The following EXOC6 variants were observed in gnomAD, a reference collection of about 807,000 sequenced individuals.
The protein encoded by EXOC6 is exocyst complex component 6.
A neutral mutation model predicts 112.5 loss-of-function variants in EXOC6; 60 were observed. The ratio of observed to expected loss-of-function variants is 0.53; its 90% CI spans 0.43 to 0.66. EXOC6 has a LOEUF of 0.66. Ranked by LOEUF, EXOC6 falls within the 30% of genes least tolerant of loss-of-function variation. EXOC6 has a pLI of 0.00. For missense variants in EXOC6, 855 were observed against 957.1 expected, an observed-to-expected ratio of 0.89 and a Z score of 1.41; for synonymous variants, 295 against 308.0, an observed-to-expected ratio of 0.96 and a Z score of 0.44.
intron 18 of EXOC6, among the ~76,000 whole-genome samples, 170 bp from the exon 19 acceptor site, chr10:92,997,304 T>C (rs1024861390): frequency 2.6e-5 from 4 of 152,178 alleles, no homozygotes; most frequent in African/African-American, 9.7e-5. Context: ...TTAATTTCTA[T>C]GATATAAAGG....
At chr10:92,956,190 A>C (rs1417904091) in intron 17 of EXOC6, among the ~76,000 whole-genome samples, 2 of 152,128 alleles carry the variant, frequency 1.3e-5, no homozygotes, top group Non-Finnish European at 2.9e-5. Context: ...TATACAGAAT[A>C]TACTGAGGAT....
chr10:92,834,059 A>G (rs1846582050), upstream of EXOC6, among the ~76,000 whole-genome samples: 1 of 152,110 alleles, frequency 6.6e-6, no homozygotes, highest in African/African-American at 2.4e-5. Flanking sequence ...TAAGATCTAA[A>G]TGCCTCCAGA....
chr10:92,860,417 C>T (rs1367062264), intron 1 of EXOC6, among the ~76,000 whole-genome samples: 2 of 152,144 alleles, frequency 1.3e-5, no homozygotes, highest in East Asian at 3.9e-4. Context: ...GCATGCACCA[C>T]CATGCCCACC....
intron 4 of EXOC6, among the ~76,000 whole-genome samples, chr10:92,896,560 G>C (rs982258179): frequency 4.0e-5 from 6 of 148,460 alleles, no homozygotes; most frequent in African/African-American, 1.5e-4. Context: ...ACTGTTAGCA[G>C]ATTTTATTGG....
At chr10:92,984,038 C>A (rs942817328) in intron 18 of EXOC6, among the ~76,000 whole-genome samples, 2 of 152,120 alleles carry the variant, frequency 1.3e-5, no homozygotes, top group Non-Finnish European at 1.5e-5. Context: ...TTCTCGTAGG[C>A]TGGCTTTCCA....
At chr10:92,932,682 A>G (rs1197145717) in intron 9 of EXOC6, among the ~76,000 whole-genome samples, 1 of 152,184 alleles carries the variant, frequency 6.6e-6, no homozygotes, top group East Asian at 1.9e-4. Flanking sequence ...TCCTAAGGAT[A>G]TGCTTCAAAC....
intron 17 of EXOC6, among the ~76,000 whole-genome samples, chr10:92,967,090 T>C (rs1842100207): frequency 6.6e-6 from 1 of 151,716 alleles, no homozygotes; most frequent in African/African-American, 2.4e-5. Flanking sequence ...ATGTCTTCTT[T>C]TGAGAAGTGT....
chr10:92,995,700 C>G (rs958432340), intron 18 of EXOC6, among the ~76,000 whole-genome samples: 6 of 152,096 alleles, frequency 3.9e-5, no homozygotes, highest in Admixed American at 3.9e-4. Flanking sequence ...ACTAATTCCT[C>G]TTGAGTTTGG....
intron 1 of EXOC6, among the ~76,000 whole-genome samples, chr10:92,841,872 A>G (rs1467731476): frequency 6.6e-6 from 1 of 152,198 alleles, no homozygotes; most frequent in Non-Finnish European, 1.5e-5. Flanking sequence ...GTAATGTCTC[A>G]TAGCAAATGC....
intron 1 of EXOC6, among the ~76,000 whole-genome samples, chr10:92,851,925 A>G (rs1847365647): frequency 1.3e-5 from 2 of 151,902 alleles, no homozygotes; most frequent in Admixed American, 6.6e-5. Context: ...AAAATTAGCT[A>G]AGTGTGGTGG....
At chr10:92,975,724 C>G in intron 18 of EXOC6, among the ~76,000 whole-genome samples, 1 of 131,452 alleles carries the variant, frequency 7.6e-6, no homozygotes. Context: ...GGCCAGCCGC[C>G]CCGTCCGGGA....
At chr10:92,880,498 T>C (rs1340183866) in intron 1 of EXOC6, among the ~76,000 whole-genome samples, 1 of 152,196 alleles carries the variant, frequency 6.6e-6, no homozygotes, top group African/African-American at 2.4e-5. Flanking sequence ...TTTATTAAGA[T>C]TTGTAATTTA....
At chr10:92,892,207 GC>G (rs1226850399) in intron 1 of EXOC6, among the ~76,000 whole-genome samples, 1 of 150,542 alleles carries the variant, frequency 6.6e-6, no homozygotes, top group Non-Finnish European at 1.5e-5. Context: ...GTTTGTTACA[GC>G]AAAAACAACA....
rs893553803 is a variant in EXOC6, at chr10:92,939,891, TTAAA to T, written c.1213-831_1213-828del. Among the ~76,000 whole-genome samples the T allele has an allele frequency of 2.6e-5, 4 of 152,170 alleles. No individual in the cohort carries two copies. The East Asian group carries it at 5.8e-4, about 22-fold the overall frequency. ...ATAGTCTGTGACATTGTTGAGTAGTTTAAATAAAGGAATAGAAGTGAGAGATTGT... is the reference window on the plus strand; with the variant it reads ...ATAGTCTGTGACATTGTTGAGTAGTTTAAAGGAATAGAAGTGAGAGATTGT... On this transcript the variant is annotated intron_variant, in intron 12 of 21. Transcript: ENST00000260762.
intron 17 of EXOC6, among the ~76,000 whole-genome samples, chr10:92,968,352 A>G (rs909678715): frequency 2.0e-5 from 3 of 151,898 alleles, no homozygotes; most frequent in Non-Finnish European, 4.4e-5. Flanking sequence ...GACCAGCTAA[A>G]CTTTTTATTT....
At chr10:92,989,557 C>T (rs1843147523) in intron 18 of EXOC6, among the ~76,000 whole-genome samples, 1 of 152,188 alleles carries the variant, frequency 6.6e-6, no homozygotes, top group Non-Finnish European at 1.5e-5. Context: ...GACCCTTTAG[C>T]ACCAGAATAA....
At chr10:92,881,777 TGGG>T (rs148796374) in intron 1 of EXOC6, among the ~76,000 whole-genome samples, 27 of 152,234 alleles carry the variant, frequency 1.8e-4, no homozygotes, top group Non-Finnish European at 3.4e-4. Flanking sequence ...TATTGAATCA[TGGG>T]GGTGGTTTCT....
At chr10:92,915,997 TC>T (rs780646084) in intron 7 of EXOC6, 84 bp downstream of exon 7, 2 of 977,412 alleles carry the variant, frequency 2.0e-6, no homozygotes, top group Non-Finnish European at 3.0e-6. Context: ...GATTTAGTCT[TC>T]CTGTATGCAA....
intron 1 of EXOC6, among the ~76,000 whole-genome samples, chr10:92,842,815 G>A (rs1846906041): frequency 6.6e-6 from 1 of 152,060 alleles, no homozygotes; most frequent in Admixed American, 6.5e-5. Context: ...TAGTTTTGAG[G>A]GCTTTCAGGA....
Sources: gnomAD v4.1 joint callset for allele counts (sites outside exome capture counted in the v4.1 genomes callset) on GRCh38, gnomAD v4.1.1 for gene constraint, MANE v1.5 for transcripts, NCBI Gene and HGNC (gene_info 2026-07-23, HGNC 2026-07-21) for gene names.